The following UST variants were observed in gnomAD, a reference collection of about 807,000 sequenced individuals.
The protein encoded by UST is chondroitin sulfate 2-O-sulfotransferase.
A neutral mutation model predicts 45.6 loss-of-function variants in UST; 21 were observed. The observed-to-expected ratio is 0.46, with a 90% CI of 0.33 to 0.66. The LOEUF (loss-of-function observed/expected upper bound fraction) is 0.66. UST is among the 30% of genes least tolerant of loss of function. The pLI is 0.02. For missense variants in UST, 463 were observed against 512.4 expected (o/e 0.90, Z 0.93); for synonymous variants, 215 against 200.6 (o/e 1.07, Z -0.61).
At chr6:148,919,417 CGTGTGTGTGT>C (rs71007929) in intron 2 of UST, among the ~76,000 whole-genome samples, 6 of 148,020 alleles carry the variant, frequency 4.1e-5, no homozygotes, top group South Asian at 2.1e-4. Context: ...GTGTCAGAGC[CGTGTGTGTGT>C]GTGTGTGTGT....
At chr6:148,776,863 G>A (rs549388708) in intron 1 of UST, among the ~76,000 whole-genome samples, 42 of 152,296 alleles carry the variant, frequency 2.8e-4, no homozygotes, top group African/African-American at 1.0e-3. Context: ...GGGACCCGCT[G>A]TCCTGCCCTT....
At chr6:148,765,116 A>G (rs1182766110) in intron 1 of UST, among the ~76,000 whole-genome samples, 1 of 152,214 alleles carries the variant, frequency 6.6e-6, no homozygotes, top group Non-Finnish European at 1.5e-5. Flanking sequence ...CTTTAAGGTT[A>G]TCTCCCTTGT....
intron 1 of UST, among the ~76,000 whole-genome samples, chr6:148,797,542 T>G (rs949490140): frequency 8.5e-5 from 13 of 152,148 alleles, no homozygotes; most frequent in African/African-American, 3.1e-4. Flanking sequence ...ATACAAAGCC[T>G]TAATGATTTT....
At chr6:149,027,528 G>C (rs1439294253) in intron 7 of UST, among the ~76,000 whole-genome samples, 2 of 152,122 alleles carry the variant, frequency 1.3e-5, no homozygotes, top group Admixed American at 1.3e-4. Context: ...ACAATTATGG[G>C]GTGCTTTTAC....
chr6:148,954,903 C>G (rs1220722120), intron 4 of UST, among the ~76,000 whole-genome samples: 1 of 152,226 alleles, frequency 6.6e-6, no homozygotes, highest in Non-Finnish European at 1.5e-5. Context: ...CTTCCCCAGT[C>G]TTTCATTAGC....
intron 2 of UST, among the ~76,000 whole-genome samples, chr6:148,924,698 C>T (rs1045718388): frequency 6.6e-6 from 1 of 152,140 alleles, no homozygotes; most frequent in Non-Finnish European, 1.5e-5. Flanking sequence ...TTCCCAGGAA[C>T]ACATTTCTTG....
intron 3 of UST, among the ~76,000 whole-genome samples, chr6:148,947,409 A>T (rs1780267860): frequency 6.6e-6 from 1 of 152,242 alleles, no homozygotes; most frequent in Admixed American, 6.5e-5. Flanking sequence ...CAAAATACAG[A>T]GCTAAACTTG....
intron 7 of UST, among the ~76,000 whole-genome samples, chr6:149,062,703 C>CA (rs1776671183): frequency 6.6e-6 from 1 of 152,174 alleles, no homozygotes; most frequent in African/African-American, 2.4e-5. Flanking sequence ...TGTGGTGTAG[C>CA]AAAAAGGTGC....
intron 3 of UST, among the ~76,000 whole-genome samples, chr6:148,948,379 A>C (rs1446966312): frequency 6.6e-6 from 1 of 152,250 alleles, no homozygotes; most frequent in Non-Finnish European, 1.5e-5. Context: ...CTCTGCTGAC[A>C]AATATTTGCC....
At chr6:148,835,809 G>A (rs1022626376) in intron 1 of UST, among the ~76,000 whole-genome samples, 1 of 152,188 alleles carries the variant, frequency 6.6e-6, no homozygotes, top group African/African-American at 2.4e-5. Flanking sequence ...AGGAAGTTCC[G>A]AGCAATCAGC....
At chr6:148,776,226 A>C (rs948000703) in intron 1 of UST, among the ~76,000 whole-genome samples, 11 of 152,062 alleles carry the variant, frequency 7.2e-5, no homozygotes, top group Admixed American at 5.9e-4. Context: ...TTTGCTTCAG[A>C]CCTCCAGTCC....
chr6:148,964,587 G>T (rs2114958571), intron 5 of UST, 24 bp downstream of exon 5: 8 of 1,611,318 alleles, frequency 5.0e-6, no homozygotes, highest in Non-Finnish European at 6.8e-6. Context: ...CATGCAAAAG[G>T]CGGTCTCCCC....
At chr6:149,061,140 A>T (rs988891942) in intron 7 of UST, among the ~76,000 whole-genome samples, 1 of 152,132 alleles carries the variant, frequency 6.6e-6, no homozygotes, top group African/African-American at 2.4e-5. Context: ...CTCGGAGGTC[A>T]TAAAGCGAGG....
chr6:148,806,080 C>CTTTTT (rs58176324), intron 1 of UST, among the ~76,000 whole-genome samples: 1 of 149,756 alleles, frequency 6.7e-6, no homozygotes. Flanking sequence ...CAAAGGGACG[C>CTTTTT]TTTTTTTTTT....
At chr6:148,788,599 T>A (rs1291517259) in intron 1 of UST, among the ~76,000 whole-genome samples, 1 of 152,124 alleles carries the variant, frequency 6.6e-6, no homozygotes. Context: ...TTCTGACACA[T>A]CCAATCTGCG....
chr6:148,930,997 A>T (rs1779911379), intron 2 of UST, among the ~76,000 whole-genome samples: 1 of 152,242 alleles, frequency 6.6e-6, no homozygotes, highest in Non-Finnish European at 1.5e-5. Flanking sequence ...CAGTGCTTTG[A>T]TGAGAGAGGA....
intron 1 of UST, among the ~76,000 whole-genome samples, chr6:148,871,520 CCTGGTCTCCTATGAGTTTG>C (rs1445012670): frequency 2.0e-5 from 3 of 152,186 alleles, no homozygotes; most frequent in Non-Finnish European, 4.4e-5. Context: ...GCTGCACAGG[CCTGGTCTCCTATGAGTTTG>C]AGTTATTTAC....
At chr6:149,017,188 T>C (rs1775912793) in intron 5 of UST, among the ~76,000 whole-genome samples, 1 of 152,104 alleles carries the variant, frequency 6.6e-6, no homozygotes, top group Non-Finnish European at 1.5e-5. Flanking sequence ...CTATCGTGGC[T>C]AACACGGTGA....
intron 3 of UST, among the ~76,000 whole-genome samples, chr6:148,943,377 AACACAAAGT>A (rs1249524539): frequency 6.6e-6 from 1 of 152,244 alleles, no homozygotes; most frequent in Non-Finnish European, 1.5e-5. Flanking sequence ...TAGAAGAAAG[AACACAAAGT>A]ACAGTATTTA....
Sources: gnomAD v4.1 joint callset for allele counts (sites outside exome capture counted in the v4.1 genomes callset) on GRCh38, gnomAD v4.1.1 for gene constraint, MANE v1.5 for transcripts, NCBI Gene and HGNC (gene_info 2026-07-23, HGNC 2026-07-21) for gene names.